Variants in CARS2 observed in about 807,000 individuals in gnomAD.
CARS2 encodes the protein probable cysteine--tRNA ligase, mitochondrial.
In CARS2, 52 loss-of-function variants were observed where a neutral mutation model predicts 68.8. The observed-to-expected ratio is 0.76, with a 90% CI of 0.61 to 0.95. CARS2 has a LOEUF of 0.95. Among genes scored for constraint, CARS2 ranks in the 40% least tolerant of loss-of-function variants. CARS2 has a pLI of 0.00. For missense variants in CARS2, 780 were observed against 754.2 expected (o/e 1.03, Z -0.40); for synonymous variants, 314 against 303.6 (o/e 1.03, Z -0.36).
At chr13:110,659,814 T>C (rs118137806) in intron 9 of CARS2, among the ~76,000 whole-genome samples, 3,110 of 152,336 alleles carry the variant, frequency 0.02, 53 homozygotes, top group Non-Finnish European at 0.029. Context: ...ATATTATGGC[T>C]GCTGACTGAT....
chr13:110,675,664 A>T (rs2062926483), intron 7 of CARS2, among the ~76,000 whole-genome samples: 1 of 152,104 alleles, frequency 6.6e-6, no homozygotes, highest in African/African-American at 2.4e-5. Context: ...GATGTAACAA[A>T]CCTGCACATT....
rs142707477 is a variant in CARS2, at chr13:110,681,237, G to A, written c.655+1814C>T. ...ACATTTTTTAATGGTGTTTTCTATT[G>A]TTGTGTTATTACAACAATTTAAATT... On this transcript the variant is annotated intron_variant, in intron 6 of 14. Transcript: ENST00000257347. Among the ~76,000 whole-genome samples, 422 of 152,150 alleles carry A rather than the reference G, an allele frequency of 2.8e-3. 3 individuals are homozygous for A. Among genetic ancestry groups the A allele is most frequent in the African/African-American group, 9.7e-3 (404 of 41,500 alleles).
At chr13:110,644,188 G>A in intron 13 of CARS2, 197 bp downstream of exon 13, 2 of 1,466,804 alleles carry the variant, frequency 1.4e-6, no homozygotes, top group Non-Finnish European at 9.1e-7. Context: ...GCCAACTGCA[G>A]AAGTAGAATT....
intron 3 of CARS2, among the ~76,000 whole-genome samples, chr13:110,692,484 T>G (rs542992809): frequency 6.6e-6 from 1 of 151,176 alleles, no homozygotes; most frequent in South Asian, 2.1e-4. Context: ...AAAAAAAAAT[T>G]AATAAATAAA....
At chr13:110,706,457 G>C (rs1242569790), upstream of CARS2, 1 of 166,344 alleles carries the variant, frequency 6.0e-6, no homozygotes, top group Non-Finnish European at 1.3e-5. Context: ...TCCGCCGCGC[G>C]GGAGGAGCGT....
rs1300534581 is a variant in CARS2, at chr13:110,712,408, G to A, written n.399+729C>T. On this transcript the variant is annotated intron_variant and non_coding_transcript_variant, in intron 1 of 2. Coordinates refer to the CARS2 transcript ENST00000485188. ...CAGCTCTCGGGGCCACCCCGGAGGG[G>A]ACCCGCGGCGGCCGCAGCGGGGCGG... The A allele has an allele frequency of 1.6e-5, 3 of 189,194 alleles. No homozygotes were observed. The Admixed American group carries it at 1.9e-4, about 12-fold the overall frequency. 11.7% of individuals were successfully genotyped at this position (189,194 alleles called of 1,614,324 possible). A position where few individuals can be genotyped will look rare whatever the true frequency, so the allele number is the denominator to read the frequency against.
chr13:110,661,904 G>A (rs365103), intron 9 of CARS2, among the ~76,000 whole-genome samples: 2 of 151,990 alleles, frequency 1.3e-5, no homozygotes, highest in South Asian at 2.1e-4. Flanking sequence ...CATGGAGCCC[G>A]AAAACAATTA....
intron 14 of CARS2, among the ~76,000 whole-genome samples, chr13:110,642,010 T>C (rs1887392370): frequency 6.6e-6 from 1 of 152,154 alleles, no homozygotes; most frequent in South Asian, 2.1e-4. Context: ...GAGACCAGCC[T>C]GACCCACGTG....
intron 3 of CARS2, among the ~76,000 whole-genome samples, chr13:110,690,414 G>C (rs1184803011): frequency 6.6e-6 from 1 of 152,054 alleles, no homozygotes; most frequent in African/African-American, 2.4e-5. Context: ...ATATACATTT[G>C]CATCTTTTTC....
chr13:110,701,910 C>T (rs1189845450), intron 2 of CARS2, among the ~76,000 whole-genome samples: 2 of 152,178 alleles, frequency 1.3e-5, no homozygotes, highest in Non-Finnish European at 2.9e-5. Context: ...TGTTCATGTT[C>T]TAGAGTAATT....
In CARS2 at chr13:110,668,997, G is replaced by A. The variant is rs1310515486; in HGVS notation, c.786-1524C>T. 1.3e-5 allele frequency among the ~76,000 whole-genome samples: 2 copies of A among 152,162 alleles called. No homozygotes were observed. Among genetic ancestry groups the A allele is most frequent in the Non-Finnish European group, 2.9e-5 (2 of 68,030 alleles). ...TTTATATGCCATAGTCTGCTATTAAGTATTGATAAACACATAGAAGTAAAG... is the reference window on the plus strand; with the variant it reads ...TTTATATGCCATAGTCTGCTATTAAATATTGATAAACACATAGAAGTAAAG... On this transcript the variant is annotated intron_variant, in intron 7 of 14. Transcript: ENST00000257347. The surrounding 1 kb of genome is among the most constrained non-coding windows in gnomAD (Gnocchi z 4.1).
At position 110,665,232 on chromosome 13, in the gene CARS2, G is replaced by C. The variant is rs533477199; in HGVS notation, c.920-1714C>G. On this transcript the variant is annotated intron_variant, in intron 8 of 14. Coordinates refer to ENST00000257347, the MANE Select transcript of CARS2 (RefSeq NM_024537.4). This position sits in a 1 kb window ranked among gnomAD's most constrained non-coding sequence, Gnocchi z 4.3. ...GAGGCAGAGGTGGCAGATCACTTGA[G>C]GTCAGGGGTTTGAGCCCAGCCTGGC... The C allele has an allele frequency of 7.7e-4, 691 of 898,674 alleles. No homozygotes were observed. The highest frequency in any genetic ancestry group is 8.8e-4 in the Non-Finnish European group (664 of 750,772). 55.7% of individuals were successfully genotyped at this position (898,674 alleles called of 1,614,324 possible).
upstream of CARS2, among the ~76,000 whole-genome samples, chr13:110,709,075 C>CT (rs1159044274): frequency 6.9e-6 from 1 of 145,736 alleles, no homozygotes; most frequent in Non-Finnish European, 1.5e-5. Flanking sequence ...TCTCTTTTCT[C>CT]TTTTTTCTTT....
chr13:110,650,007 A>G (rs9583521), intron 10 of CARS2, among the ~76,000 whole-genome samples: 15,252 of 141,118 alleles, frequency 0.11, 1,243 homozygotes, highest in African/African-American at 0.22. Context: ...GTGCGATCTC[A>G]GCTCACTGCA....
At chr13:110,694,752 C>G (rs765787612) in intron 3 of CARS2, among the ~76,000 whole-genome samples, 32 of 152,036 alleles carry the variant, frequency 2.1e-4, no homozygotes, top group Non-Finnish European at 3.8e-4. Context: ...AAAATGGTGC[C>G]AAAAATTAAA....
Position 110,654,350 on chromosome 13 carries a change from G to A in CARS2, c.988-3250C>T, listed in dbSNP as rs139953167. Among the ~76,000 whole-genome samples, 223 of 152,288 alleles carry A rather than the reference G, an allele frequency of 1.5e-3. No individual in the cohort carries two copies. In the Middle Eastern group the frequency reaches 0.02, roughly 14 times the overall value. ...GCCTCCATTACGCAGAAAGCATTGG[G>A]TTTTCACCCAGGCTATCATAAAGGT... On this transcript the variant is annotated intron_variant, in intron 9 of 14. Transcript: ENST00000257347.
chr13:110,693,357 G>A (rs1250132457), intron 3 of CARS2, among the ~76,000 whole-genome samples: 2 of 151,802 alleles, frequency 1.3e-5, no homozygotes, highest in African/African-American at 4.8e-5. Flanking sequence ...GCTGGGGAGA[G>A]AAAACTTACA....
At chr13:110,651,313 A>G in intron 9 of CARS2, 1 of 534,240 alleles carries the variant, frequency 1.9e-6, no homozygotes, top group South Asian at 2.2e-5. Flanking sequence ...GTATTTGTGG[A>G]AAGAGCAAGA....
At chr13:110,663,275 G>A (rs910676089) in intron 9 of CARS2, among the ~76,000 whole-genome samples, 176 bp downstream of exon 9, 3 of 152,074 alleles carry the variant, frequency 2.0e-5, no homozygotes, top group African/African-American at 7.2e-5. Context: ...AGCTGAGGGC[G>A]CGATTAGGCG....
Sources: allele counts gnomAD v4.1 joint callset (sites outside exome capture counted in the v4.1 genomes callset), GRCh38; gene constraint gnomAD v4.1.1; non-coding constraint Gnocchi (gnomAD v3.1); transcripts MANE v1.5; gene names NCBI Gene and HGNC (gene_info 2026-07-23, HGNC 2026-07-21).